Variants in ZNRF1 observed in about 807,000 individuals in gnomAD.
ZNRF1 encodes the protein E3 ubiquitin-protein ligase ZNRF1.
A neutral mutation model predicts 18.4 loss-of-function variants in ZNRF1; 3 were observed. That is an observed-to-expected ratio of 0.16 (90% CI 0.07 to 0.42). The LOEUF (loss-of-function observed/expected upper bound fraction) is 0.42, where lower values mean the gene tolerates loss of function less well. ZNRF1 is among the 10% of genes least tolerant of loss of function. The probability of loss-of-function intolerance (pLI) is 0.99; values close to 1 mark genes in which losing one functional copy is unlikely to be tolerated. For missense variants in ZNRF1, 310 were observed against 329.8 expected, an observed-to-expected ratio of 0.94 and a Z score of 0.47; for synonymous variants, 157 against 144.2, an observed-to-expected ratio of 1.09 and a Z score of -0.64.
intron 1 of ZNRF1, among the ~76,000 whole-genome samples, chr16:75,034,842 G>T (rs2035356324): frequency 6.6e-6 from 1 of 151,956 alleles, no homozygotes; most frequent in African/African-American, 2.4e-5. Flanking sequence ...GCCCAGGCTG[G>T]TCTCAAACTC....
At chr16:75,104,916 G>A (rs1240900409) in intron 3 of ZNRF1, 27 bp downstream of exon 3, 10 of 1,551,690 alleles carry the variant, frequency 6.4e-6, no homozygotes, top group South Asian at 1.2e-5. Flanking sequence ...AGGTAGCTTA[G>A]TGCACCCCAC....
At chr16:75,071,994 A>G (rs1384401183) in intron 1 of ZNRF1, among the ~76,000 whole-genome samples, 1 of 152,038 alleles carries the variant, frequency 6.6e-6, no homozygotes, top group African/African-American at 2.4e-5. Context: ...GCTGGAGTGC[A>G]GTGGCATGAT....
chr16:75,050,896 A>C (rs1195165662), intron 1 of ZNRF1, among the ~76,000 whole-genome samples: 1 of 106,064 alleles, frequency 9.4e-6, no homozygotes, highest in African/African-American at 4.5e-5. Flanking sequence ...AAACAAAAAA[A>C]AACAAAAAAC....
Position 75,110,118 on chromosome 16 carries a change from G to A in ZNRF1, c.*2418G>A, listed in dbSNP as rs1308682770. On this transcript the variant is annotated 3_prime_UTR_variant, in exon 5 of 5. Transcript: ENST00000335325. ...CCGGGTGCTATTCCAGGCTCTAGGG[G>A]CTGGTGCTCATCCCCACCCCCAGCG... 6.6e-6 allele frequency: 1 copy of A among 152,344 alleles called. No individual in the cohort carries two copies. Among genetic ancestry groups the A allele is most frequent in the African/African-American group, 2.4e-5 (1 of 41,464 alleles). The allele number at this position is 152,344 out of a possible 1,614,324, so 9.4% of individuals were successfully genotyped here. A position where few individuals can be genotyped will look rare whatever the true frequency, so the allele number is the denominator to read the frequency against.
intron 1 of ZNRF1, among the ~76,000 whole-genome samples, chr16:75,085,791 T>TGAGA (rs71378737): frequency 0.46 from 63,965 of 139,012 alleles, 14,842 homozygotes; most frequent in Middle Eastern, 0.53. Context: ...TCCGACAGAG[T>TGAGA]GAGAGAGAGA....
At chr16:75,092,172 T>C (rs1251438857) in intron 1 of ZNRF1, among the ~76,000 whole-genome samples, 4 of 151,892 alleles carry the variant, frequency 2.6e-5, no homozygotes, top group African/African-American at 9.7e-5. Context: ...TTTAAAAATA[T>C]GTATAAGGAA....
chr16:75,066,796 C>A (rs2035810296), intron 1 of ZNRF1, among the ~76,000 whole-genome samples: 1 of 152,042 alleles, frequency 6.6e-6, no homozygotes, highest in South Asian at 2.1e-4. Context: ...GAGCCACCAC[C>A]CCTAGCCTAG....
intron 1 of ZNRF1, among the ~76,000 whole-genome samples, chr16:75,049,989 T>C (rs2035571516): frequency 6.6e-6 from 1 of 152,016 alleles, no homozygotes; most frequent in African/African-American, 2.4e-5. Flanking sequence ...CCATCTCTCT[T>C]CCCTCCTCCC....
At chr16:75,030,095 A>G (rs2035282618) in intron 1 of ZNRF1, among the ~76,000 whole-genome samples, 1 of 151,790 alleles carries the variant, frequency 6.6e-6, no homozygotes, top group African/African-American at 2.4e-5. Context: ...TGTTATTGAA[A>G]TAATTCACAT....
chr16:75,053,594 A>G (rs2035633166), intron 1 of ZNRF1, among the ~76,000 whole-genome samples: 1 of 151,222 alleles, frequency 6.6e-6, no homozygotes, highest in African/African-American at 2.4e-5. Context: ...CATCTCAAAA[A>G]AAAAAAAAAA....
chr16:75,050,570 A>AT, intron 1 of ZNRF1, among the ~76,000 whole-genome samples: 1 of 151,036 alleles, frequency 6.6e-6, no homozygotes, highest in Non-Finnish European at 1.5e-5. Context: ...TAAAAAAAAA[A>AT]TAAAAATACT....
chr16:75,071,699 A>C (rs532968789), intron 1 of ZNRF1, among the ~76,000 whole-genome samples: 1 of 152,316 alleles, frequency 6.6e-6, no homozygotes, highest in African/African-American at 2.4e-5. Flanking sequence ...CTGGAAGTGC[A>C]TGTGGGACGG....
intron 1 of ZNRF1, among the ~76,000 whole-genome samples, chr16:75,085,006 C>T (rs554933385): frequency 3.3e-5 from 5 of 152,302 alleles, no homozygotes; most frequent in African/African-American, 4.8e-5. Context: ...TAGTTAACTG[C>T]AGTTCCATAT....
At chr16:75,070,833 G>A (rs779132154) in intron 1 of ZNRF1, among the ~76,000 whole-genome samples, 14 of 152,102 alleles carry the variant, frequency 9.2e-5, no homozygotes, top group Non-Finnish European at 1.8e-4. Flanking sequence ...TGTGGGAGCC[G>A]CCCATCTTGT....
At chr16:75,024,245 C>G (rs903069354) in intron 1 of ZNRF1, among the ~76,000 whole-genome samples, 5 of 152,252 alleles carry the variant, frequency 3.3e-5, no homozygotes, top group Admixed American at 1.3e-4. Flanking sequence ...TGAGACTAAG[C>G]CTGTTTACTG....
intron 1 of ZNRF1, among the ~76,000 whole-genome samples, chr16:75,008,041 C>G (rs1453423838): frequency 6.6e-6 from 1 of 151,072 alleles, no homozygotes; most frequent in African/African-American, 2.4e-5. Context: ...AATTTTTTTA[C>G]TTTTTTTTTC....
At chr16:75,028,262 C>T (rs2035252378) in intron 1 of ZNRF1, among the ~76,000 whole-genome samples, 1 of 152,182 alleles carries the variant, frequency 6.6e-6, no homozygotes, top group South Asian at 2.1e-4. Context: ...TCTACTTCCC[C>T]TACAGATACT....
chr16:75,010,715 T>G (rs1475666822), intron 1 of ZNRF1, among the ~76,000 whole-genome samples: 14 of 56,660 alleles, frequency 2.5e-4, no homozygotes, highest in Admixed American at 1.2e-3. Context: ...TTTTTTGTTT[T>G]TTTGTTTTTT....
chr16:75,066,754 T>G (rs906550556), intron 1 of ZNRF1, among the ~76,000 whole-genome samples: 1 of 152,098 alleles, frequency 6.6e-6, no homozygotes, highest in African/African-American at 2.4e-5. Context: ...TCCGCCCACC[T>G]TGGCCTCCCA....
Sources: gnomAD v4.1 joint callset for allele counts (sites outside exome capture counted in the v4.1 genomes callset) on GRCh38, gnomAD v4.1.1 for gene constraint, MANE v1.5 for transcripts, NCBI Gene and HGNC (gene_info 2026-07-23, HGNC 2026-07-21) for gene names.